The following COL8A1 variants were observed in gnomAD, a reference collection of about 807,000 sequenced individuals.
COL8A1 encodes the protein collagen type VIII alpha 1 chain.
A neutral mutation model predicts 42.7 loss-of-function variants in COL8A1; 21 were observed. That is an observed-to-expected ratio of 0.49 (90% CI 0.35 to 0.71). The LOEUF is 0.71. Among genes scored for constraint, COL8A1 ranks in the 30% least tolerant of loss-of-function variants. The probability of loss-of-function intolerance (pLI) is 0.01; values close to 1 mark genes in which losing one functional copy is unlikely to be tolerated. For synonymous variants in COL8A1, 367 were observed against 369.1 expected, an observed-to-expected ratio of 0.99 and a Z score of 0.06; for missense variants, 788 against 962.4, an observed-to-expected ratio of 0.82 and a Z score of 2.40.
At chr3:99,743,367 C>A (rs545738676) in intron 1 of COL8A1, among the ~76,000 whole-genome samples, 1 of 152,270 alleles carries the variant, frequency 6.6e-6, no homozygotes, top group South Asian at 2.1e-4. Context: ...CAAGTTGAGC[C>A]AAAGTGCAGG....
intron 1 of COL8A1, among the ~76,000 whole-genome samples, chr3:99,741,859 T>C (rs1559624520): frequency 6.6e-6 from 1 of 152,170 alleles, no homozygotes; most frequent in African/African-American, 2.4e-5. Context: ...CCAGATTCAA[T>C]GGGAGAGAAC....
chr3:99,697,512 TG>T (rs964584472), intron 1 of COL8A1, among the ~76,000 whole-genome samples: 2 of 152,092 alleles, frequency 1.3e-5, no homozygotes, highest in Non-Finnish European at 2.9e-5. Context: ...CCTAAAGAGA[TG>T]GGGGAAGCTG....
intron 2 of COL8A1, among the ~76,000 whole-genome samples, chr3:99,769,365 C>T (rs1257665105): frequency 6.6e-6 from 1 of 152,210 alleles, no homozygotes; most frequent in East Asian, 1.9e-4. Context: ...ATTGGATTGA[C>T]AAGGTTTCTA....
intron 1 of COL8A1, among the ~76,000 whole-genome samples, chr3:99,663,708 A>C (rs1222918123): frequency 6.6e-6 from 1 of 152,198 alleles, no homozygotes; most frequent in African/African-American, 2.4e-5. Flanking sequence ...GAAAGTAGTG[A>C]AGATGGTAAA....
chr3:99,795,599 A>C lies in COL8A1; in HGVS notation c.1698A>C (p.Gly566=), dbSNP rs140830156. ...TTCCAGGACCCCCAGGCCCTCCAGG[A>C]CCTCCAGGACCCCCAGCTGTGATGC... ...PGLPGPPGPP[G]PPGPPAVMPP... Residue 566 remains glycine, a synonymous_variant, in exon 4 of 4, where the codon GGA becomes GGC. Transcript: ENST00000652472. The C allele has an allele frequency of 9.0e-4, 1,456 of 1,611,474 alleles. 10 individuals carry two copies. In the African/African-American group the frequency reaches 0.017, roughly 19 times the overall value.
intron 1 of COL8A1, among the ~76,000 whole-genome samples, chr3:99,714,546 A>G (rs1042349716): frequency 4.3e-4 from 65 of 152,078 alleles, no homozygotes; most frequent in African/African-American, 1.5e-3. Context: ...CAACTTAAAT[A>G]TACTCTGCAT....
intron 1 of COL8A1, among the ~76,000 whole-genome samples, chr3:99,691,088 G>A (rs753696670): frequency 3.3e-4 from 50 of 152,100 alleles, no homozygotes; most frequent in Non-Finnish European, 5.3e-4. Context: ...GGCTGATGGC[G>A]GGCTTGAGCA....
chr3:99,652,885 TA>T (rs1937892260), intron 1 of COL8A1, among the ~76,000 whole-genome samples: 1 of 152,160 alleles, frequency 6.6e-6, no homozygotes, highest in Non-Finnish European at 1.5e-5. Flanking sequence ...GCAGACAAAA[TA>T]AAATACCTTA....
chr3:99,650,456 A>G (rs1937808230), intron 1 of COL8A1, among the ~76,000 whole-genome samples: 1 of 151,566 alleles, frequency 6.6e-6, no homozygotes, highest in Non-Finnish European at 1.5e-5. Context: ...TTTTTTTGAG[A>G]CAGAGTCTCA....
chr3:99,737,036 C>G (rs201202925), intron 1 of COL8A1, among the ~76,000 whole-genome samples: 1 of 152,098 alleles, frequency 6.6e-6, no homozygotes, highest in East Asian at 1.9e-4. Flanking sequence ...TCTGTTTTAT[C>G]AGAGACTAGG....
chr3:99,719,134 G>T (rs879842236), intron 1 of COL8A1, among the ~76,000 whole-genome samples: 3 of 151,898 alleles, frequency 2.0e-5, no homozygotes, highest in Admixed American at 6.6e-5. Context: ...ATTAAACTGA[G>T]AAATATGTGA....
chr3:99,718,522 AAGAT>A (rs1412280626), intron 1 of COL8A1, among the ~76,000 whole-genome samples: 1 of 152,032 alleles, frequency 6.6e-6, no homozygotes, highest in Non-Finnish European at 1.5e-5. Flanking sequence ...GGAAGGACAG[AAGAT>A]AGGCTACTTC....
chr3:99,708,740 T>A (rs906789146), intron 1 of COL8A1, among the ~76,000 whole-genome samples: 1 of 152,180 alleles, frequency 6.6e-6, no homozygotes, highest in African/African-American at 2.4e-5. Context: ...TAGGGAGAGA[T>A]AATTTTCTAA....
In COL8A1 at chr3:99,733,003, C is replaced by T. The variant is rs554753630; in HGVS notation, c.-128-11894C>T. 1.8e-4 allele frequency among the ~76,000 whole-genome samples: 28 copies of T among 152,074 alleles called. No individual in the cohort carries two copies. In the South Asian group the frequency reaches 3.1e-3, roughly 17 times the overall value. Reference sequence around the variant, plus strand: ...AATATTAAAGCTCCAGAATGATCTCCTTTGTCTCAATGTCTCATATCCGGG... The same window carrying T: ...AATATTAAAGCTCCAGAATGATCTCTTTTGTCTCAATGTCTCATATCCGGG... On this transcript the variant is annotated intron_variant, in intron 1 of 3. Coordinates refer to ENST00000652472, the MANE Select transcript of COL8A1 (RefSeq NM_020351.4).
chr3:99,706,753 C>T (rs9824017), intron 1 of COL8A1, among the ~76,000 whole-genome samples: 1,743 of 152,310 alleles, frequency 0.011, 36 homozygotes, highest in African/African-American at 0.04. Flanking sequence ...CTGTCCTTTA[C>T]AGCTCTGCAA....
At chr3:99,695,876 G>C (rs1197724131) in intron 1 of COL8A1, among the ~76,000 whole-genome samples, 1 of 152,206 alleles carries the variant, frequency 6.6e-6, no homozygotes, top group African/African-American at 2.4e-5. Flanking sequence ...GCTCACACCT[G>C]GAATCCCAGC....
chr3:99,713,800 A>T lies in COL8A1; in HGVS notation c.-128-31097A>T, dbSNP rs550796378. ...ATGGATTTGTGAAAAAAAAAATACA[A>T]TTAAAACAAATTTTAACAGTGTTCT... On this transcript the variant is annotated intron_variant, in intron 1 of 3. Transcript: ENST00000652472. Among the ~76,000 whole-genome samples the T allele has an allele frequency of 3.3e-5, 5 of 152,124 alleles. No homozygotes were observed. In the South Asian group the frequency reaches 1.0e-3, roughly 32 times the overall value.
intron 2 of COL8A1, among the ~76,000 whole-genome samples, chr3:99,772,421 C>T (rs1941597492): frequency 6.6e-6 from 1 of 152,106 alleles, no homozygotes; most frequent in African/African-American, 2.4e-5. Context: ...GAATGTACAA[C>T]ACCAAGAGTG....
intron 1 of COL8A1, among the ~76,000 whole-genome samples, chr3:99,733,285 C>T (rs1399822500): frequency 6.7e-6 from 1 of 149,992 alleles, no homozygotes. Context: ...TCTCCCAATG[C>T]TATCCCTCCC....
Sources: gnomAD v4.1 joint callset for allele counts (sites outside exome capture counted in the v4.1 genomes callset) on GRCh38, gnomAD v4.1.1 for gene constraint, MANE v1.5 for transcripts, NCBI Gene and HGNC (gene_info 2026-07-23, HGNC 2026-07-21) for gene names.